ALK: variants seen among roughly 807,000 people sequenced by gnomAD.
The protein encoded by ALK is ALK tyrosine kinase receptor.
In ALK, 74 loss-of-function variants were observed where a neutral mutation model predicts 163.1. That is an observed-to-expected ratio of 0.45 (90% CI 0.38 to 0.55). The LOEUF is 0.55. Among genes scored for constraint, ALK ranks in the 20% least tolerant of loss-of-function variants. ALK has a pLI of 0.00. For synonymous variants in ALK, 960 were observed against 843.2 expected (o/e 1.14, Z -2.40); for missense variants, 2,063 against 2,105.3 (o/e 0.98, Z 0.39).
intron 8 of ALK, among the ~76,000 whole-genome samples, chr2:29,310,692 C>A (rs1424432682): frequency 6.6e-6 from 1 of 152,228 alleles, no homozygotes; most frequent in Non-Finnish European, 1.5e-5. Context: ...TGCTGGTTCA[C>A]CACCTAACTG....
intron 1 of ALK, among the ~76,000 whole-genome samples, chr2:29,760,802 A>G (rs1573613770): frequency 6.6e-6 from 1 of 152,338 alleles, no homozygotes; most frequent in East Asian, 1.9e-4. Context: ...CAGACAACTC[A>G]AAAACCTATA....
intron 1 of ALK, among the ~76,000 whole-genome samples, chr2:29,865,967 G>T (rs1030402511): frequency 1.3e-5 from 2 of 152,172 alleles, no homozygotes; most frequent in African/African-American, 4.8e-5. Context: ...GGGGATAGGG[G>T]CAGTATGTTA....
At chr2:29,776,194 A>C (rs148790949) in intron 1 of ALK, among the ~76,000 whole-genome samples, 128 of 149,432 alleles carry the variant, frequency 8.6e-4, no homozygotes, top group Non-Finnish European at 1.5e-3. Flanking sequence ...TGGAACTGTA[A>C]CTACGCTAAG....
At chr2:29,520,196 T>G (rs532762585) in intron 4 of ALK, among the ~76,000 whole-genome samples, 1 of 152,270 alleles carries the variant, frequency 6.6e-6, no homozygotes, top group South Asian at 2.1e-4. Context: ...GTAGGATGGT[T>G]AAGGCCACAA....
intron 4 of ALK, among the ~76,000 whole-genome samples, chr2:29,469,334 A>G (rs896077949): frequency 6.6e-6 from 1 of 152,192 alleles, no homozygotes; most frequent in African/African-American, 2.4e-5. Flanking sequence ...CAGAGCCCCT[A>G]ATTTGACAAT....
At chr2:29,877,140 C>T (rs529432051) in intron 1 of ALK, among the ~76,000 whole-genome samples, 3 of 152,314 alleles carry the variant, frequency 2.0e-5, no homozygotes, top group Admixed American at 6.5e-5. Context: ...ATCACATTTG[C>T]ATATCAAAAA....
At chr2:29,254,993 A>G (rs1278550401) in intron 11 of ALK, among the ~76,000 whole-genome samples, 2 of 152,180 alleles carry the variant, frequency 1.3e-5, no homozygotes, top group Non-Finnish European at 2.9e-5. Flanking sequence ...AACGCTTTCT[A>G]AAGTGGATTC....
At chr2:29,652,714 G>A (rs1677070283) in intron 3 of ALK, among the ~76,000 whole-genome samples, 1 of 152,046 alleles carries the variant, frequency 6.6e-6, no homozygotes, top group African/African-American at 2.4e-5. Flanking sequence ...TCACGCTTAG[G>A]TAATGATGTT....
chr2:29,285,744 G>A (rs182989471), intron 9 of ALK, among the ~76,000 whole-genome samples: 49 of 151,948 alleles, frequency 3.2e-4, no homozygotes, highest in African/African-American at 1.2e-3. Flanking sequence ...TGTATTTTTA[G>A]TAAAGACGGG....
chr2:29,240,654 C>T (rs1664500859), intron 12 of ALK, among the ~76,000 whole-genome samples: 2 of 152,078 alleles, frequency 1.3e-5, no homozygotes, highest in South Asian at 4.2e-4. Flanking sequence ...AAAATAAAAA[C>T]AGAGTGTGGG....
At chr2:29,834,291 A>C (rs189300571) in intron 1 of ALK, among the ~76,000 whole-genome samples, 2 of 152,326 alleles carry the variant, frequency 1.3e-5, no homozygotes, top group African/African-American at 4.8e-5. Flanking sequence ...TCACCCAATT[A>C]GAAAAAAAGT....
rs1573122858 is a variant in ALK at position 29,222,242 on chromosome 2, G to T, written c.3515+102C>A. The T allele has an allele frequency of 1.3e-5, 14 of 1,058,926 alleles. No homozygotes were observed. The East Asian group carries it at 3.1e-4, about 23-fold the overall frequency. 65.6% of individuals were successfully genotyped at this position (1,058,926 alleles called of 1,614,324 possible). A position where few individuals can be genotyped will look rare whatever the true frequency, so the allele number is the denominator to read the frequency against. On this transcript the variant is annotated intron_variant, in intron 22 of 28. Transcript: ENST00000389048. The stretch of plus-strand genomic sequence containing the variant: ...ACTGGAGAAAAGGGGACATGCTAGG[G>T]ACAACACGATTTCCCTTGGAGATAT...
At position 29,233,645 on chromosome 2, in the gene ALK, C is replaced by T; in HGVS notation, c.2407G>A (p.Glu803Lys). Residue 803 changes from glutamate to lysine, a missense_variant, in exon 14 of 29, where the codon GAA becomes AAA. Glu to Lys is a moderately conservative substitution (Grantham distance 56, BLOSUM62 1). This residue lies in a region of ALK where 575 missense variants were observed against 626.6 expected (regional missense o/e 0.92). Transcript: ENST00000389048. ...ACGCTTCTGTTCACACGGATTTCTT[C>T]TTCTATCACATTGTTCTCTCCAATG... Reference protein sequence around the residue: ...VCIGENNVIEEEIRVNRSVHE... With the variant: ...VCIGENNVIEKEIRVNRSVHE... The T allele has an allele frequency of 6.2e-7, 1 of 1,614,258 alleles. No homozygotes were observed. Among genetic ancestry groups the T allele is most frequent in the Non-Finnish European group, 8.5e-7 (1 of 1,180,050 alleles).
intron 4 of ALK, among the ~76,000 whole-genome samples, chr2:29,421,034 A>G (rs1009895692): frequency 2.0e-5 from 3 of 151,512 alleles, no homozygotes; most frequent in African/African-American, 7.3e-5. Flanking sequence ...TCTCCATGCC[A>G]TCATTCCACG....
Position 29,672,154 on chromosome 2 carries a change from A to T in ALK, c.952+22696T>A, listed in dbSNP as rs1677712075. 2.0e-5 allele frequency among the ~76,000 whole-genome samples: 3 copies of T among 149,960 alleles called. No homozygotes were observed. In the South Asian group the frequency reaches 6.3e-4, roughly 32 times the overall value. On this transcript the variant is annotated intron_variant, in intron 3 of 28. Coordinates refer to ENST00000389048, the MANE Select transcript of ALK (RefSeq NM_004304.5). Reference sequence around the variant, plus strand: ...TCCCTGCATACCTTCTGCAGGAAATATACAGTGGCTTCTGCTTTTTTTTTT... The same window carrying T: ...TCCCTGCATACCTTCTGCAGGAAATTTACAGTGGCTTCTGCTTTTTTTTTT...
chr2:29,430,670 T>G (rs1483435672), intron 4 of ALK, among the ~76,000 whole-genome samples: 1 of 152,112 alleles, frequency 6.6e-6, no homozygotes, highest in African/African-American at 2.4e-5. Context: ...GGAGATAAAA[T>G]GGAATCTATG....
At chr2:29,716,052 T>C (rs1679244965) in intron 2 of ALK, among the ~76,000 whole-genome samples, 1 of 152,212 alleles carries the variant, frequency 6.6e-6, no homozygotes, top group Non-Finnish European at 1.5e-5. Context: ...CAGCAGGCTT[T>C]GGACTGGAAG....
chr2:29,411,131 C>T (rs1056224933), intron 4 of ALK, among the ~76,000 whole-genome samples: 1 of 152,092 alleles, frequency 6.6e-6, no homozygotes, highest in Non-Finnish European at 1.5e-5. Context: ...AAAACTAAGA[C>T]ACGAACATGC....
chr2:29,474,415 T>C (rs1558340187), intron 4 of ALK, among the ~76,000 whole-genome samples: 1 of 152,234 alleles, frequency 6.6e-6, no homozygotes, highest in East Asian at 1.9e-4. Flanking sequence ...CATGAATGAT[T>C]TCCTTTTGTA....
Sources: allele counts gnomAD v4.1 joint callset (sites outside exome capture counted in the v4.1 genomes callset), GRCh38; gene constraint gnomAD v4.1.1; regional missense constraint gnomAD v4.1.1; transcripts MANE v1.5; gene names NCBI Gene and HGNC (gene_info 2026-07-23, HGNC 2026-07-21).